The following PTPN14 variants were observed in gnomAD, a reference collection of about 807,000 sequenced individuals.
PTPN14 encodes the protein protein tyrosine phosphatase non-receptor type 14.
A neutral mutation model predicts 126.8 loss-of-function variants in PTPN14; 53 were observed. That is an observed-to-expected ratio of 0.42 (90% CI 0.34 to 0.53). PTPN14 has a LOEUF of 0.53. PTPN14 is among the 20% of genes least tolerant of loss of function. The pLI is 0.08. For synonymous variants in PTPN14, 630 were observed against 599.3 expected (o/e 1.05, Z -0.75); for missense variants, 1,257 against 1,552.9 (o/e 0.81, Z 3.20).
chr1:214,479,635 G>A (rs913563217), intron 1 of PTPN14, among the ~76,000 whole-genome samples: 1 of 151,700 alleles, frequency 6.6e-6, no homozygotes, highest in African/African-American at 2.4e-5. Context: ...CACCGTACCC[G>A]ACCCTGTCTT....
intron 1 of PTPN14, among the ~76,000 whole-genome samples, chr1:214,471,741 G>A (rs1045305085): frequency 2.6e-5 from 4 of 152,152 alleles, no homozygotes; most frequent in African/African-American, 9.7e-5. Context: ...TCCAACCACG[G>A]CTACCTGGTT....
intron 1 of PTPN14, chr1:214,531,542 A>ACACACACACACACAC (rs1655548737): frequency 1.3e-5 from 2 of 149,126 alleles, no homozygotes; most frequent in African/African-American, 2.5e-5. Flanking sequence ...ACACACACAC[A>ACACACACACACACAC]TTCTCTGCCT....
At chr1:214,365,294 G>A (rs1011753082) in intron 17 of PTPN14, among the ~76,000 whole-genome samples, 1 of 152,172 alleles carries the variant, frequency 6.6e-6, no homozygotes, top group Non-Finnish European at 1.5e-5. Flanking sequence ...TGTGTGAGGT[G>A]GAGGGGGTCA....
intron 3 of PTPN14, among the ~76,000 whole-genome samples, chr1:214,445,507 A>C (rs532599925): frequency 3.9e-5 from 6 of 152,168 alleles, no homozygotes; most frequent in African/African-American, 1.2e-4. Flanking sequence ...CTGTGCAACC[A>C]TAACATTCAA....
intron 7 of PTPN14, among the ~76,000 whole-genome samples, chr1:214,398,287 A>G (rs1352918658): frequency 6.6e-6 from 1 of 152,228 alleles, no homozygotes; most frequent in African/African-American, 2.4e-5. Flanking sequence ...TAAAAAACTG[A>G]ACTCATAGAA....
At chr1:214,408,252 G>C (rs1354962628) in intron 5 of PTPN14, among the ~76,000 whole-genome samples, 1 of 152,142 alleles carries the variant, frequency 6.6e-6, no homozygotes, top group Non-Finnish European at 1.5e-5. Context: ...TAGTCCCCCA[G>C]GTCAGTGCTT....
chr1:214,428,357 A>T (rs537405219), intron 3 of PTPN14, among the ~76,000 whole-genome samples: 1 of 152,352 alleles, frequency 6.6e-6, no homozygotes, highest in Non-Finnish European at 1.5e-5. Context: ...CAGACAAAAC[A>T]GATTTGGGGG....
rs557443759 is a variant in PTPN14 at position 214,408,279 on chromosome 1, C to T, written c.510+3405G>A. On this transcript the variant is annotated intron_variant, in intron 5 of 18. Coordinates refer to ENST00000366956, the MANE Select transcript of PTPN14 (RefSeq NM_005401.5). ...TCAGTGCTTGGGGTGAAAGAGTTGA[C>T]GGAAAAAATAAGTAGTGAATGATCA... Among the ~76,000 whole-genome samples the T allele has an allele frequency of 2.0e-4, 30 of 152,180 alleles. No homozygotes were observed. In the East Asian group the frequency reaches 2.1e-3, roughly 11 times the overall value.
chr1:214,515,358 T>G (rs1655073672), intron 1 of PTPN14, among the ~76,000 whole-genome samples: 1 of 152,190 alleles, frequency 6.6e-6, no homozygotes, highest in South Asian at 2.1e-4. Flanking sequence ...ACCACACTCT[T>G]TTGTTTATTG....
intron 1 of PTPN14, chr1:214,533,378 C>A: frequency 2.2e-6 from 1 of 458,796 alleles, no homozygotes; most frequent in Non-Finnish European, 4.1e-6. Flanking sequence ...ACAGCAGCAA[C>A]TCCACGCAAA....
At chr1:214,370,490 C>A (rs1354973549) in intron 16 of PTPN14, among the ~76,000 whole-genome samples, 4 of 152,012 alleles carry the variant, frequency 2.6e-5, no homozygotes, top group African/African-American at 9.7e-5. Flanking sequence ...TCACGTTACT[C>A]CTTTCGGATG....
At chr1:214,486,110 G>A (rs894158873) in intron 1 of PTPN14, among the ~76,000 whole-genome samples, 3 of 152,114 alleles carry the variant, frequency 2.0e-5, no homozygotes, top group African/African-American at 7.2e-5. Context: ...TACTCTGCAG[G>A]CAGGGGTAGA....
At chr1:214,477,637 C>T (rs1660895741) in intron 1 of PTPN14, among the ~76,000 whole-genome samples, 2 of 152,148 alleles carry the variant, frequency 1.3e-5, no homozygotes, top group Non-Finnish European at 1.5e-5. Context: ...TGCTTGCATC[C>T]GTGCTGAGCA....
At chr1:214,453,625 T>TACC (rs1033269775) in intron 2 of PTPN14, among the ~76,000 whole-genome samples, 5 of 152,124 alleles carry the variant, frequency 3.3e-5, no homozygotes, top group East Asian at 1.9e-4. Context: ...CTACTCCTGT[T>TACC]ACCACCACCA....
chr1:214,465,296 T>C (rs1472617949), intron 1 of PTPN14, among the ~76,000 whole-genome samples: 3 of 152,194 alleles, frequency 2.0e-5, no homozygotes, highest in Non-Finnish European at 4.4e-5. Flanking sequence ...TTTTTCACTA[T>C]GCAATGCTGT....
intron 7 of PTPN14, among the ~76,000 whole-genome samples, chr1:214,400,133 A>G (rs928858624): frequency 1.3e-5 from 2 of 152,214 alleles, no homozygotes; most frequent in African/African-American, 4.8e-5. Flanking sequence ...ATATCATGAC[A>G]TGCTTTTTGT....
intron 1 of PTPN14, among the ~76,000 whole-genome samples, chr1:214,480,259 G>A (rs1016312074): frequency 1.3e-5 from 2 of 152,146 alleles, no homozygotes; most frequent in African/African-American, 4.8e-5. Context: ...AAATGCAGAG[G>A]CTATCACAAA....
chr1:214,460,484 G>T (rs896372193), intron 2 of PTPN14, among the ~76,000 whole-genome samples: 11 of 132,314 alleles, frequency 8.3e-5, no homozygotes, highest in African/African-American at 3.3e-4. Context: ...CACACACACA[G>T]ATCAATGCAA....
intron 10 of PTPN14, among the ~76,000 whole-genome samples, chr1:214,392,975 A>T (rs1038871339): frequency 1.3e-5 from 2 of 152,190 alleles, no homozygotes; most frequent in Non-Finnish European, 1.5e-5. Flanking sequence ...AACAAAATTA[A>T]ACACATTGGG....
Sources: allele counts gnomAD v4.1 joint callset (sites outside exome capture counted in the v4.1 genomes callset), GRCh38; gene constraint gnomAD v4.1.1; transcripts MANE v1.5; gene names NCBI Gene and HGNC (gene_info 2026-07-23, HGNC 2026-07-21).